HIVEP3: variants seen among roughly 807,000 people sequenced by gnomAD.
The protein encoded by HIVEP3 is transcription factor HIVEP3.
HIVEP3 carries 49 observed loss-of-function variants against 152.8 expected under a neutral mutation model. The observed-to-expected ratio is 0.32, with a 90% CI of 0.26 to 0.41. The LOEUF is 0.41. Among genes scored for constraint, HIVEP3 ranks in the 10% least tolerant of loss-of-function variants. The probability of loss-of-function intolerance (pLI) is 1.00; values close to 1 mark genes in which losing one functional copy is unlikely to be tolerated. For synonymous variants in HIVEP3, 1,269 were observed against 1,289.0 expected, an observed-to-expected ratio of 0.98 and a Z score of 0.33; for missense variants, 2,790 against 3,103.3, an observed-to-expected ratio of 0.90 and a Z score of 2.40.
chr1:41,765,013 C>T (rs771396736), intron 1 of HIVEP3, among the ~76,000 whole-genome samples: 3 of 152,214 alleles, frequency 2.0e-5, no homozygotes, highest in Non-Finnish European at 2.9e-5. Context: ...TCAACTGTGT[C>T]ACCCTTTACC....
chr1:41,866,339 C>T (rs1192351160), intron 1 of HIVEP3, among the ~76,000 whole-genome samples: 1 of 152,256 alleles, frequency 6.6e-6, no homozygotes, highest in Admixed American at 6.5e-5. Context: ...TAGCAACCTT[C>T]AAGAGCCAAA....
At chr1:41,547,194 T>C (rs1198613800) in intron 5 of HIVEP3, among the ~76,000 whole-genome samples, 1 of 152,204 alleles carries the variant, frequency 6.6e-6, no homozygotes, top group African/African-American at 2.4e-5. Context: ...GCTTGCGGAT[T>C]TAAACTTCCA....
At position 41,680,456 on chromosome 1, in the gene HIVEP3, C is replaced by T. The variant is rs1174760038; in HGVS notation, c.-721+20460G>A. On this transcript the variant is annotated intron_variant, in intron 2 of 8. Transcript: ENST00000372583. ...AGGTTCTTAGCCTCATCACAGTGTC[C>T]AGCTAGGTGGGGATCAGCCTATAGT... Among the ~76,000 whole-genome samples, 3 of 152,332 alleles carry T rather than the reference C, an allele frequency of 2.0e-5. No individual in the cohort carries two copies. The South Asian group carries it at 6.2e-4, about 32-fold the overall frequency.
chr1:41,797,246 G>A (rs1289395376), intron 1 of HIVEP3, among the ~76,000 whole-genome samples: 3 of 152,222 alleles, frequency 2.0e-5, no homozygotes, highest in Non-Finnish European at 2.9e-5. Flanking sequence ...GGAAGCTCCT[G>A]CTCATTTTCA....
intron 5 of HIVEP3, among the ~76,000 whole-genome samples, chr1:41,573,034 T>C (rs144059737): frequency 3.9e-5 from 6 of 152,374 alleles, no homozygotes; most frequent in Non-Finnish European, 7.3e-5. Context: ...GGTGGAACCA[T>C]TGTTTTCTTC....
chr1:41,562,622 T>C lies in HIVEP3; in HGVS notation c.5207+12922A>G, dbSNP rs898862593. On this transcript the variant is annotated intron_variant, in intron 5 of 8. Coordinates refer to ENST00000372583, the MANE Select transcript of HIVEP3 (RefSeq NM_024503.5). ...TTCTTTCTCTCTCTCTCTCTCTCTCTCTCTCTCTCTCCCTCTCTCTCTCTT... is the reference window on the plus strand; with the variant it reads ...TTCTTTCTCTCTCTCTCTCTCTCTCCCTCTCTCTCTCCCTCTCTCTCTCTT... 2.8e-3 allele frequency among the ~76,000 whole-genome samples: 319 copies of C among 112,858 alleles called. 2 individuals are homozygous for C. The highest frequency in any genetic ancestry group is 5.2e-3 in the African/African-American group (141 of 26,980). 74.0% of individuals were successfully genotyped at this position (112,858 alleles called of 152,430 possible).
At chr1:41,761,797 C>T (rs909550719) in intron 1 of HIVEP3, among the ~76,000 whole-genome samples, 1 of 152,196 alleles carries the variant, frequency 6.6e-6, no homozygotes, top group African/African-American at 2.4e-5. Context: ...TGCATGTGCA[C>T]TTATGCACCC....
At chr1:41,745,892 A>G (rs559837503) in intron 1 of HIVEP3, among the ~76,000 whole-genome samples, 1 of 152,226 alleles carries the variant, frequency 6.6e-6, no homozygotes, top group African/African-American at 2.4e-5. Context: ...CTGTCAGTGA[A>G]TCCTAGCAGA....
At chr1:41,754,937 A>C (rs760435129) in intron 1 of HIVEP3, among the ~76,000 whole-genome samples, 7 of 152,248 alleles carry the variant, frequency 4.6e-5, no homozygotes, top group Non-Finnish European at 1.0e-4. Context: ...TTTCAGGAGC[A>C]GTTTGGTAAT....
chr1:41,713,206 G>A (rs1330319122), intron 1 of HIVEP3, among the ~76,000 whole-genome samples: 4 of 152,072 alleles, frequency 2.6e-5, no homozygotes, highest in African/African-American at 4.8e-5. Context: ...CCCGATCTGC[G>A]CCCCAGCCCA....
intron 1 of HIVEP3, among the ~76,000 whole-genome samples, chr1:41,928,826 A>G (rs981276473): frequency 6.6e-6 from 1 of 152,258 alleles, no homozygotes. Context: ...CAGTGCATCA[A>G]ACTGGGGAAG....
At chr1:41,822,539 A>G (rs1483879995) in intron 1 of HIVEP3, among the ~76,000 whole-genome samples, 1 of 152,132 alleles carries the variant, frequency 6.6e-6, no homozygotes, top group African/African-American at 2.4e-5. Flanking sequence ...TTTCACAGGG[A>G]TGAAGAAAGA....
chr1:41,688,536 G>T (rs1348388016), intron 2 of HIVEP3, among the ~76,000 whole-genome samples: 1 of 152,198 alleles, frequency 6.6e-6, no homozygotes, highest in East Asian at 1.9e-4. Context: ...AAGGTGGAAT[G>T]AACACTTAAC....
At chr1:41,965,456 C>T (rs1217396540) in intron 1 of HIVEP3, among the ~76,000 whole-genome samples, 1 of 152,078 alleles carries the variant, frequency 6.6e-6, no homozygotes, top group Non-Finnish European at 1.5e-5. Context: ...ATGTTCTAAC[C>T]CAAGGCAAAG....
intron 3 of HIVEP3, among the ~76,000 whole-genome samples, chr1:41,593,966 G>A (rs896057265): frequency 1.1e-4 from 16 of 152,100 alleles, no homozygotes; most frequent in Non-Finnish European, 1.9e-4. Context: ...CTGCAAAGCT[G>A]GTAACAGCCA....
intron 3 of HIVEP3, among the ~76,000 whole-genome samples, chr1:41,622,403 G>A (rs1383077264): frequency 2.0e-5 from 3 of 152,310 alleles, no homozygotes; most frequent in Admixed American, 6.5e-5. Flanking sequence ...GGGGGAGGAA[G>A]AAGGATGGAG....
chr1:41,881,480 A>G (rs887797240), intron 1 of HIVEP3, among the ~76,000 whole-genome samples: 2 of 152,220 alleles, frequency 1.3e-5, no homozygotes, highest in African/African-American at 4.8e-5. Context: ...AGTTCTAAAA[A>G]CGATATGCTG....
chr1:42,023,234 TG>T (rs1291545489), intron 1 of HIVEP3, among the ~76,000 whole-genome samples: 1 of 152,126 alleles, frequency 6.6e-6, no homozygotes, highest in African/African-American at 2.4e-5. Flanking sequence ...CTCAAACTGC[TG>T]ACTTCAAGTG....
At chr1:41,760,443 A>G (rs1647595479) in intron 1 of HIVEP3, among the ~76,000 whole-genome samples, 2 of 152,122 alleles carry the variant, frequency 1.3e-5, no homozygotes, top group Admixed American at 1.3e-4. Context: ...TCCACAGGTC[A>G]ATGCCCAGCC....
Sources: gnomAD v4.1 joint callset for allele counts (sites outside exome capture counted in the v4.1 genomes callset) on GRCh38, gnomAD v4.1.1 for gene constraint, MANE v1.5 for transcripts, NCBI Gene and HGNC (gene_info 2026-07-23, HGNC 2026-07-21) for gene names.